Variants in B3GLCT observed in about 807,000 individuals in gnomAD.
B3GLCT encodes beta-1,3-glucosyltransferase.
In B3GLCT, 65 loss-of-function variants were observed where a neutral mutation model predicts 63.4. That is an observed-to-expected ratio of 1.03 (90% CI 0.84 to 1.26). The LOEUF is 1.26. Ranked by LOEUF, B3GLCT falls within the 50% of genes most tolerant of loss-of-function variation. The probability of loss-of-function intolerance (pLI) is 0.00; values close to 1 mark genes in which losing one functional copy is unlikely to be tolerated. For synonymous variants in B3GLCT, 233 were observed against 219.2 expected, an observed-to-expected ratio of 1.06 and a Z score of -0.55; for missense variants, 577 against 604.8, an observed-to-expected ratio of 0.95 and a Z score of 0.48.
intron 4 of B3GLCT, among the ~76,000 whole-genome samples, chr13:31,242,820 A>G (rs566768954): frequency 2.6e-5 from 4 of 152,384 alleles, no homozygotes; most frequent in South Asian, 4.1e-4. Context: ...TTGTTAGGAA[A>G]GGACATTTAA....
chr13:31,241,436 G>A (rs145799398), intron 4 of B3GLCT, among the ~76,000 whole-genome samples: 1 of 152,326 alleles, frequency 6.6e-6, no homozygotes, highest in African/African-American at 2.4e-5. Flanking sequence ...GGGGCTCCAT[G>A]AACATGGTGC....
chr13:31,329,770 A>G lies in B3GLCT; in HGVS notation c.*102A>G. On this transcript the variant is annotated 3_prime_UTR_variant, in exon 15 of 15. Transcript: ENST00000343307. The stretch of plus-strand genomic sequence containing the variant: ...ACAACACTTGTGTCTGCCACATGGC[A>G]TTGGGTGCTTCCTGACTTTAGGGGG... The G allele has an allele frequency of 7.5e-7, 1 of 1,327,698 alleles. No homozygotes were observed. Among genetic ancestry groups the G allele is most frequent in the Admixed American group, 1.9e-5 (1 of 53,698 alleles). 82.2% of individuals were successfully genotyped at this position (1,327,698 alleles called of 1,614,324 possible).
intron 6 of B3GLCT, among the ~76,000 whole-genome samples, chr13:31,260,010 TCG>T (rs1218101740): frequency 6.6e-6 from 1 of 152,198 alleles, no homozygotes; most frequent in Non-Finnish European, 1.5e-5. Context: ...TGGAAGTCTT[TCG>T]TTACACTTAG....
intron 12 of B3GLCT, among the ~76,000 whole-genome samples, chr13:31,299,507 C>T (rs1490149086): frequency 1.3e-5 from 2 of 152,124 alleles, no homozygotes; most frequent in Admixed American, 6.5e-5. Flanking sequence ...CCACTAGCAC[C>T]AGTCTCTGTA....
chr13:31,214,936 C>CAAA, intron 1 of B3GLCT, 115 bp from the exon 2 acceptor site: 1 of 1,037,186 alleles, frequency 9.6e-7, no homozygotes, highest in Non-Finnish European at 1.4e-6. Flanking sequence ...TAAAAATGAG[C>CAAA]AAAATATGTC....
rs1453646070 is a variant in B3GLCT, at chr13:31,312,681, G to A, written c.1065-4885G>A. The A allele has an allele frequency of 2.6e-5, 4 of 152,154 alleles. No individual in the cohort carries two copies. In the South Asian group the frequency reaches 6.2e-4, roughly 24 times the overall value. The allele number at this position is 152,154 out of a possible 1,614,324, so 9.4% of individuals were successfully genotyped here. A position where few individuals can be genotyped will look rare whatever the true frequency, so the allele number is the denominator to read the frequency against. On this transcript the variant is annotated intron_variant, in intron 12 of 14. Coordinates refer to ENST00000343307, the MANE Select transcript of B3GLCT (RefSeq NM_194318.4). ...AAGTTGCTTCAATAAGAAGTCGCAG[G>A]GAGCTGAGAAAGATCTGAAATCTGA...
chr13:31,329,851 AT>A lies in B3GLCT; in HGVS notation c.*192del, dbSNP rs1280389566. 51 of 647,270 alleles carry A rather than the reference AT, an allele frequency of 7.9e-5. No homozygotes were observed. The highest frequency in any genetic ancestry group is 8.9e-5 in the Non-Finnish European group (34 of 380,582). The allele number at this position is 647,270 out of a possible 1,614,324, so 40.1% of individuals were successfully genotyped here. A position where few individuals can be genotyped will look rare whatever the true frequency, so the allele number is the denominator to read the frequency against. The stretch of plus-strand genomic sequence containing the variant: ...GAAGAAAAGGGGTCACAGGAGAAAC[AT>A]TTTTTTTTCTGGGAAAAATCACTTG... On this transcript the variant is annotated 3_prime_UTR_variant, in exon 15 of 15. Transcript: ENST00000343307.
intron 12 of B3GLCT, among the ~76,000 whole-genome samples, chr13:31,316,528 A>G (rs1875041627): frequency 6.7e-6 from 1 of 149,344 alleles, no homozygotes; most frequent in Non-Finnish European, 1.5e-5. Context: ...TTAATATTTA[A>G]TGATTGCCTG....
At chr13:31,266,324 G>A (rs76636227) in intron 7 of B3GLCT, among the ~76,000 whole-genome samples, 2,506 of 152,078 alleles carry the variant, frequency 0.016, 26 homozygotes, top group African/African-American at 0.023. Context: ...CACCACACCC[G>A]GCCCAATAAT....
chr13:31,215,516 C>T (rs565474538), intron 2 of B3GLCT, among the ~76,000 whole-genome samples: 7 of 152,218 alleles, frequency 4.6e-5, no homozygotes, highest in Non-Finnish European at 8.8e-5. Context: ...TGGGTTCAAG[C>T]GATTCTCCTG....
chr13:31,246,363 T>G (rs1156319505), intron 4 of B3GLCT, among the ~76,000 whole-genome samples: 2 of 152,180 alleles, frequency 1.3e-5, no homozygotes, highest in Non-Finnish European at 2.9e-5. Flanking sequence ...TATACATAAT[T>G]TATGTAAGCA....
chr13:31,327,695 C>T (rs1003205599), intron 14 of B3GLCT, among the ~76,000 whole-genome samples: 4 of 152,144 alleles, frequency 2.6e-5, no homozygotes, highest in Admixed American at 1.3e-4. Context: ...TGCAAAGAAA[C>T]GTCGTATAAT....
At chr13:31,289,609 C>A (rs964066390) in intron 12 of B3GLCT, among the ~76,000 whole-genome samples, 1 of 50,220 alleles carries the variant, frequency 2.0e-5, no homozygotes, top group Non-Finnish European at 5.0e-5. Context: ...CTTTAGCCAT[C>A]GTGCTAAAAG....
chr13:31,324,668 G>A (rs975562807), intron 14 of B3GLCT, among the ~76,000 whole-genome samples: 76 of 152,038 alleles, frequency 5.0e-4, no homozygotes, highest in African/African-American at 1.8e-3. Context: ...GTATGCATAA[G>A]TATTTTAGAT....
chr13:31,295,162 T>G (rs1873870107), intron 12 of B3GLCT, among the ~76,000 whole-genome samples: 1 of 152,252 alleles, frequency 6.6e-6, no homozygotes, highest in African/African-American at 2.4e-5. Context: ...ACAGCAAAGA[T>G]TGCTGCCTTT....
intron 2 of B3GLCT, among the ~76,000 whole-genome samples, chr13:31,216,176 T>A (rs1005174944): frequency 1.3e-5 from 2 of 152,244 alleles, no homozygotes; most frequent in East Asian, 3.8e-4. Flanking sequence ...ATTATCTGTT[T>A]TAACTGTACT....
intron 10 of B3GLCT, among the ~76,000 whole-genome samples, chr13:31,283,766 CAG>C (rs1188480243): frequency 2.6e-5 from 4 of 152,010 alleles, no homozygotes; most frequent in Non-Finnish European, 5.9e-5. Flanking sequence ...GAGTTGGGAA[CAG>C]GGGAAAGATA....
At chr13:31,234,832 T>C (rs538394160) in intron 4 of B3GLCT, among the ~76,000 whole-genome samples, 31 of 152,232 alleles carry the variant, frequency 2.0e-4, no homozygotes, top group African/African-American at 5.5e-4. Flanking sequence ...CAGTTAAAAG[T>C]GCCCCTTGGT....
chr13:31,315,353 T>G (rs1024627051), intron 12 of B3GLCT, among the ~76,000 whole-genome samples: 2 of 152,286 alleles, frequency 1.3e-5, no homozygotes, highest in Non-Finnish European at 2.9e-5. Context: ...GATGAGGAAC[T>G]TATTGGGAAC....
Sources: allele counts gnomAD v4.1 joint callset (sites outside exome capture counted in the v4.1 genomes callset), GRCh38; gene constraint gnomAD v4.1.1; transcripts MANE v1.5; gene names NCBI Gene and HGNC (gene_info 2026-07-23, HGNC 2026-07-21).